Variants in FUT4 observed in about 807,000 individuals in gnomAD.
FUT4 encodes the protein alpha-(1,3)-fucosyltransferase 4.
In FUT4, 1 loss-of-function variant was observed where a neutral mutation model predicts 3.8. The observed-to-expected ratio is 0.26, with a 90% CI of 0.09 to 1.25. FUT4 has a LOEUF of 1.25. Ranked by LOEUF, FUT4 falls within the 50% of genes most tolerant of loss-of-function variation. FUT4 has a pLI of 0.47. For missense variants in FUT4, 880 were observed against 768.2 expected (o/e 1.15, Z -1.72); for synonymous variants, 417 against 355.3 (o/e 1.17, Z -1.95).
Position 94,544,928 on chromosome 11 carries a change from G to T in FUT4, c.795G>T (p.Leu265=). ...CGCACACTGCCGAGGAGGTGGATCT[G>T]CGCGTGTTGGACTACGAGGAGGCAG... The part of the protein sequence containing the change: ...IQAHTAEEVD[L]RVLDYEEAAA... The change falls in exon 1 of 1, where the codon CTG becomes CTT. Residue 265 remains leucine (L), a synonymous_variant. Coordinates refer to ENST00000358752, the MANE Select transcript of FUT4 (RefSeq NM_002033.4). The T allele has an allele frequency of 3.7e-6, 6 of 1,607,648 alleles. No homozygotes were observed. Among genetic ancestry groups the T allele is most frequent in the Non-Finnish European group, 5.1e-6 (6 of 1,177,902 alleles).
rs892525223 is a variant in FUT4 at position 94,544,439 on chromosome 11, T to G, written c.306T>G (p.His102Gln). 10 of 1,516,416 alleles carry G rather than the reference T, an allele frequency of 6.6e-6. No homozygotes were observed. Among genetic ancestry groups the G allele is most frequent in the Non-Finnish European group, 7.9e-6 (9 of 1,139,508 alleles). The allele number at this position is 1,516,416 out of a possible 1,614,324, so 93.9% of individuals were successfully genotyped here. ...RQRRLEPQLQ[H>Q]ESRCRSSTPA... is the part of the protein sequence containing the mutation. ...GACGGCTGGAGCCGCAGCTACAGCATGAGAGCCGGTGCCGCTCCTCCACGC... is the reference window on the plus strand; with the variant it reads ...GACGGCTGGAGCCGCAGCTACAGCAGGAGAGCCGGTGCCGCTCCTCCACGC... Residue 102 changes from histidine (H) to glutamine (Q), a missense_variant, in exon 1 of 1, where the codon CAT becomes CAG. His to Gln is a conservative substitution (Grantham distance 24). This residue lies in a region of FUT4 where 447 missense variants were observed against 339.5 expected (regional missense o/e 1.32). Transcript: ENST00000358752.
Position 94,545,284 on chromosome 11 carries a change from A to G in FUT4, c.1151A>G (p.Asp384Gly). The G allele has an allele frequency of 1.2e-6, 2 of 1,612,056 alleles. No individual in the cohort carries two copies. Among genetic ancestry groups the G allele is most frequent in the Non-Finnish European group, 1.7e-6 (2 of 1,179,872 alleles). ...CAACTGAGCCAACATGTGACCGTGG[A>G]CGTGTTCGGCCGGGGCGGGCCGGGG... is the stretch of plus-strand genomic sequence containing the variant. ...YHQLSQHVTV[D>G]VFGRGGPGQP... Residue 384 changes from aspartate to glycine, a missense_variant, in exon 1 of 1, where the codon GAC (aspartate) becomes GGC (glycine). By Grantham distance (94) the Asp-to-Gly change is moderately conservative. Coordinates refer to ENST00000358752, the MANE Select transcript of FUT4 (RefSeq NM_002033.4).
At position 94,545,018 on chromosome 11, in the gene FUT4, G is replaced by T. The variant is rs751826119; in HGVS notation, c.885G>T (p.Met295Ile). The T allele has an allele frequency of 2.5e-6, 4 of 1,609,746 alleles. No homozygotes were observed. The East Asian group carries it at 8.9e-5, about 36-fold the overall frequency. The change falls in exon 1 of 1, where the codon ATG (methionine) becomes ATT (isoleucine). Residue 295 changes from methionine (M) to isoleucine (I), a missense_variant. Around this residue, in one of 3 missense-constraint regions of FUT4, gnomAD observed 424 missense variants for 400.4 expected, o/e 1.06. Transcript: ENST00000358752. ...CCCCGGGCCAGCGCTGGGTTTGGAT[G>T]AACTTCGAGTCGCCCTCGCACTCCC... ...PRPPGQRWVW[M>I]NFESPSHSPG...
rs937027366 is a variant in FUT4 at position 94,549,461 on chromosome 11, A to G, written c.*3735A>G. The G allele has an allele frequency of 6.0e-6, 1 of 166,998 alleles. No homozygotes were observed. The highest frequency in any genetic ancestry group is 1.9e-4 in the East Asian group (1 of 5,194). The allele number at this position is 166,998 out of a possible 1,614,324, so 10.3% of individuals were successfully genotyped here. ...CTGAACTGCAAAATGAGTGGGTTAGACAAAATCATCTGTTGGGACCTCCTA... is the reference window on the plus strand; with the variant it reads ...CTGAACTGCAAAATGAGTGGGTTAGGCAAAATCATCTGTTGGGACCTCCTA... On this transcript the variant is annotated 3_prime_UTR_variant, in exon 1 of 1. Coordinates refer to ENST00000358752, the MANE Select transcript of FUT4 (RefSeq NM_002033.4).
Position 94,544,107 on chromosome 11 carries a change from C to G in FUT4, c.-27C>G. 7.3e-7 allele frequency: 1 copy of G among 1,364,370 alleles called. No individual in the cohort carries two copies. The highest frequency in any genetic ancestry group is 9.5e-7 in the Non-Finnish European group (1 of 1,057,734). 84.5% of individuals were successfully genotyped at this position (1,364,370 alleles called of 1,614,324 possible). ...GGGCGCGCGCAGAGGGAAACCGGATCAGTTGAGAGAGAATCAAGAGTAGCG... is the reference window on the plus strand; with the variant it reads ...GGGCGCGCGCAGAGGGAAACCGGATGAGTTGAGAGAGAATCAAGAGTAGCG... On this transcript the variant is annotated 5_prime_UTR_variant, in exon 1 of 1. It adds an upstream start codon to the 5' untranslated region. Transcript: ENST00000358752.
chr11:94,544,790 C>T lies in FUT4; in HGVS notation c.657C>T (p.Gly219=). 6.3e-7 allele frequency: 1 copy of T among 1,591,966 alleles called. No homozygotes were observed. ...GCCGGCTGCGCTTCAACATCAGCGGCTGCCGCCTGCTCACCGACCGCGCGT... is the reference window on the plus strand; with the variant it reads ...GCCGGCTGCGCTTCAACATCAGCGGTTGCCGCCTGCTCACCGACCGCGCGT... ...PDCRLRFNIS[G]CRLLTDRASY... is the part of the protein sequence containing the mutation. Residue 219 remains glycine (G), a synonymous_variant, in exon 1 of 1, where the codon GGC becomes GGT. Coordinates refer to ENST00000358752, the MANE Select transcript of FUT4 (RefSeq NM_002033.4).
Position 94,545,330 on chromosome 11 carries a change from G to A in FUT4, c.1197G>A (p.Gly399=). ...GGPGQPVPEI[G]LLHTVARYKF... ...CGGGGCAGCCGGTGCCCGAAATTGGGCTCCTGCACACAGTGGCCCGCTACA... is the reference window on the plus strand; with the variant it reads ...CGGGGCAGCCGGTGCCCGAAATTGGACTCCTGCACACAGTGGCCCGCTACA... The change falls in exon 1 of 1, where the codon GGG becomes GGA. Residue 399 remains glycine (G), a synonymous_variant. Coordinates refer to ENST00000358752, the MANE Select transcript of FUT4 (RefSeq NM_002033.4). 4 of 1,612,794 alleles carry A rather than the reference G, an allele frequency of 2.5e-6. No individual in the cohort carries two copies. Among genetic ancestry groups the A allele is most frequent in the Non-Finnish European group, 3.4e-6 (4 of 1,179,892 alleles).
Position 94,544,248 on chromosome 11 carries a change from C to A in FUT4, c.115C>A (p.Arg39Ser), listed in dbSNP as rs1458121284. The change falls in exon 1 of 1, where the codon CGC (arginine) becomes AGC (serine). Residue 39 changes from arginine (R) to serine (S), a missense_variant. This residue lies in a region of FUT4 where 447 missense variants were observed against 339.5 expected (regional missense o/e 1.32). Transcript: ENST00000358752. ...GAWSGRLGPG[R>S]SGRKGRAVPG... Reference sequence around the variant, plus strand: ...CTGGTCGGGCCGGCTGGGCCCCGGGCGCAGTGGAAGAAAGGGACGGGCGGT... The same window carrying A: ...CTGGTCGGGCCGGCTGGGCCCCGGGAGCAGTGGAAGAAAGGGACGGGCGGT... 2 of 1,509,906 alleles carry A rather than the reference C, an allele frequency of 1.3e-6. No homozygotes were observed. Among genetic ancestry groups the A allele is most frequent in the South Asian group, 2.6e-5 (2 of 78,150 alleles). 93.5% of individuals were successfully genotyped at this position (1,509,906 alleles called of 1,614,324 possible).
In FUT4 at chr11:94,545,431, C is replaced by A. The variant is rs1947849353; in HGVS notation, c.1298C>A (p.Ala433Asp). 1 of 1,613,334 alleles carries A rather than the reference C, an allele frequency of 6.2e-7. No individual in the cohort carries two copies. The highest frequency in any genetic ancestry group is 8.5e-7 in the Non-Finnish European group (1 of 1,179,800). Reference sequence around the variant, plus strand: ...AAGCTCTGGCGCAACGCGTTGCTCGCTGGGGCGGTGCCGGTGGTGCTGGGC... The same window carrying A: ...AAGCTCTGGCGCAACGCGTTGCTCGATGGGGCGGTGCCGGTGGTGCTGGGC... ...TEKLWRNALL[A>D]GAVPVVLGPD... Residue 433 changes from alanine to aspartate, a missense_variant, in exon 1 of 1, where the codon GCT becomes GAT. Around this residue, in one of 3 missense-constraint regions of FUT4, gnomAD observed 424 missense variants for 400.4 expected, o/e 1.06. Coordinates refer to ENST00000358752, the MANE Select transcript of FUT4 (RefSeq NM_002033.4).
rs12800677 is a variant in FUT4, at chr11:94,547,845, T to G, written c.*2119T>G. On this transcript the variant is annotated 3_prime_UTR_variant, in exon 1 of 1. Transcript: ENST00000358752. ...TCCTGAGCCTCAGCGTCCTCATCTATAAAATGACTGGCGAAAATACTTCAC... is the reference window on the plus strand; with the variant it reads ...TCCTGAGCCTCAGCGTCCTCATCTAGAAAATGACTGGCGAAAATACTTCAC... 9.3e-3 allele frequency: 1,550 copies of G among 167,158 alleles called. 13 individuals carry two copies. The highest frequency in any genetic ancestry group is 0.044 in the Middle Eastern group (13 of 296). The allele number at this position is 167,158 out of a possible 1,614,324, so 10.4% of individuals were successfully genotyped here.
rs1164649145 is a variant in FUT4, at chr11:94,546,468, A to G, written c.*742A>G. The G allele has an allele frequency of 1.2e-5, 2 of 168,874 alleles. No homozygotes were observed. The highest frequency in any genetic ancestry group is 2.9e-5 in the Non-Finnish European group (2 of 69,262). The allele number at this position is 168,874 out of a possible 1,614,324, so 10.5% of individuals were successfully genotyped here. On this transcript the variant is annotated 3_prime_UTR_variant, in exon 1 of 1. Transcript: ENST00000358752. Reference sequence around the variant, plus strand: ...CAAATTCATTGACTTAGGGGAGTTCAGTATTTAATGAAACCCTATGGAGAA... The same window carrying G: ...CAAATTCATTGACTTAGGGGAGTTCGGTATTTAATGAAACCCTATGGAGAA...
At position 94,548,237 on chromosome 11, in the gene FUT4, G is replaced by A. The variant is rs975649394; in HGVS notation, c.*2511G>A. 7.4e-6 allele frequency: 1 copy of A among 135,652 alleles called. No individual in the cohort carries two copies. The highest frequency in any genetic ancestry group is 2.9e-5 in the African/African-American group (1 of 33,976). 8.4% of individuals were successfully genotyped at this position (135,652 alleles called of 1,614,324 possible). On this transcript the variant is annotated 3_prime_UTR_variant, in exon 1 of 1. Transcript: ENST00000358752. ...TTATGGAATAATTAGCATGAGGAAG[G>A]TATAATTGCATTTTTTTTTTTTTGA...
chr11:94,544,116 G>C lies in FUT4; in HGVS notation c.-18G>C, dbSNP rs778900778. On this transcript the variant is annotated 5_prime_UTR_variant, in exon 1 of 1. Transcript: ENST00000358752. Reference sequence around the variant, plus strand: ...CAGAGGGAAACCGGATCAGTTGAGAGAGAATCAAGAGTAGCGGATGAGGCG... The same window carrying C: ...CAGAGGGAAACCGGATCAGTTGAGACAGAATCAAGAGTAGCGGATGAGGCG... The C allele has an allele frequency of 1.4e-6, 2 of 1,382,022 alleles. No individual in the cohort carries two copies. Among genetic ancestry groups the C allele is most frequent in the Non-Finnish European group, 9.4e-7 (1 of 1,069,156 alleles). 85.6% of individuals were successfully genotyped at this position (1,382,022 alleles called of 1,614,324 possible).
chr11:94,545,869 C>A lies in FUT4; in HGVS notation c.*143C>A. ...GCTCTATGGGAAAAAAACGATTTAC[C>A]AATTAATATTACTCAGCACAGAGAT... is the stretch of plus-strand genomic sequence containing the variant. On this transcript the variant is annotated 3_prime_UTR_variant, in exon 1 of 1. Transcript: ENST00000358752. The A allele has an allele frequency of 9.8e-7, 1 of 1,024,760 alleles. No individual in the cohort carries two copies. Among genetic ancestry groups the A allele is most frequent in the Non-Finnish European group, 1.5e-6 (1 of 667,092 alleles). 63.5% of individuals were successfully genotyped at this position (1,024,760 alleles called of 1,614,324 possible).
Position 94,544,096 on chromosome 11 carries a change from G to C in FUT4, c.-38G>C. The C allele has an allele frequency of 7.3e-7, 1 of 1,364,502 alleles. No homozygotes were observed. Among genetic ancestry groups the C allele is most frequent in the African/African-American group, 1.5e-5 (1 of 65,048 alleles). 84.5% of individuals were successfully genotyped at this position (1,364,502 alleles called of 1,614,324 possible). A position where few individuals can be genotyped will look rare whatever the true frequency, so the allele number is the denominator to read the frequency against. On this transcript the variant is annotated 5_prime_UTR_variant, in exon 1 of 1. Transcript: ENST00000358752. ...GCCAGGGCGGTGGGCGCGCGCAGAGGGAAACCGGATCAGTTGAGAGAGAAT... is the reference window on the plus strand; with the variant it reads ...GCCAGGGCGGTGGGCGCGCGCAGAGCGAAACCGGATCAGTTGAGAGAGAAT...
At position 94,548,082 on chromosome 11, in the gene FUT4, T is replaced by A. The variant is rs894282066; in HGVS notation, c.*2356T>A. On this transcript the variant is annotated 3_prime_UTR_variant, in exon 1 of 1. Transcript: ENST00000358752. ...TTTAGATTAAGCTTGACTTGCAAAC[T>A]AGGAAGAAGCACCTAGGCTTTCTTT... 1.2e-5 allele frequency: 2 copies of A among 166,924 alleles called. No individual in the cohort carries two copies. The highest frequency in any genetic ancestry group is 2.4e-5 in the African/African-American group (1 of 41,438). The allele number at this position is 166,924 out of a possible 1,614,324, so 10.3% of individuals were successfully genotyped here.
In FUT4 at chr11:94,545,193, C is replaced by A. The variant is rs1459169227; in HGVS notation, c.1060C>A (p.Gln354Lys). 1 of 1,611,260 alleles carries A rather than the reference C, an allele frequency of 6.2e-7. No individual in the cohort carries two copies. Among genetic ancestry groups the A allele is most frequent in the Non-Finnish European group, 8.5e-7 (1 of 1,179,824 alleles). ...SGLAPPLSRK[Q>K]GLVAWVVSHW... is the part of the protein sequence containing the mutation. ...CCTGGCCCCGCCACTGTCCAGGAAA[C>A]AGGGGCTGGTGGCATGGGTGGTGAG... The change falls in exon 1 of 1, where the codon CAG becomes AAG. Residue 354 changes from glutamine to lysine, a missense_variant. Transcript: ENST00000358752.
chr11:94,544,218 G>T lies in FUT4; in HGVS notation c.85G>T (p.Gly29Trp). The T allele has an allele frequency of 1.4e-6, 2 of 1,446,366 alleles. No homozygotes were observed. Among genetic ancestry groups the T allele is most frequent in the South Asian group, 1.5e-5 (1 of 67,526 alleles). 89.6% of individuals were successfully genotyped at this position (1,446,366 alleles called of 1,614,324 possible). Residue 29 changes from glycine (G) to tryptophan (W), a missense_variant, in exon 1 of 1, where the codon GGG (glycine) becomes TGG (tryptophan). Gly to Trp is a radical substitution (Grantham distance 184). Transcript: ENST00000358752. ...GGCGGAGGCGCCGCAGGAGGCTCCC[G>T]GGGCCTGGTCGGGCCGGCTGGGCCC... is the stretch of plus-strand genomic sequence containing the variant. ...EWAEAPQEAP[G>W]AWSGRLGPGR...
Position 94,546,138 on chromosome 11 carries a change from T to G in FUT4, c.*412T>G. On this transcript the variant is annotated 3_prime_UTR_variant, in exon 1 of 1. Transcript: ENST00000358752. The stretch of plus-strand genomic sequence containing the variant: ...ACACAACTGTTCCCGATTCACGTTT[T>G]TCTGGACCAAGGTGAAGCAAATTTG... 2.8e-6 allele frequency: 1 copy of G among 351,904 alleles called. No individual in the cohort carries two copies. The highest frequency in any genetic ancestry group is 5.9e-6 in the Non-Finnish European group (1 of 170,914). 21.8% of individuals were successfully genotyped at this position (351,904 alleles called of 1,614,324 possible).
Sources: allele counts gnomAD v4.1 joint callset, GRCh38; gene constraint gnomAD v4.1.1; regional missense constraint gnomAD v4.1.1; transcripts MANE v1.5; gene names NCBI Gene and HGNC (gene_info 2026-07-23, HGNC 2026-07-21).